The following MCHR2 variants were observed in gnomAD, a reference collection of about 807,000 sequenced individuals.
The protein encoded by MCHR2 is melanin-concentrating hormone receptor 2.
Under a neutral mutation model 24.8 loss-of-function variants are expected in MCHR2, and 15 were observed. The observed-to-expected ratio is 0.60, with a 90% CI of 0.40 to 0.93. The LOEUF is 0.93. Ranked by LOEUF, MCHR2 falls within the 40% of genes least tolerant of loss-of-function variation. The pLI, the probability that MCHR2 is intolerant of heterozygous loss-of-function variation, is 0.00. For missense variants in MCHR2, 386 were observed against 408.7 expected, an observed-to-expected ratio of 0.94 and a Z score of 0.48; for synonymous variants, 151 against 147.6, an observed-to-expected ratio of 1.02 and a Z score of -0.17.
chr6:99,991,248 A>G (rs1775868515), intron 1 of MCHR2, among the ~76,000 whole-genome samples: 3 of 152,086 alleles, frequency 2.0e-5, no homozygotes, highest in Admixed American at 1.3e-4. Flanking sequence ...CTTCTGGAAG[A>G]TTTAGCCTCA....
intron 5 of MCHR2, among the ~76,000 whole-genome samples, chr6:99,924,806 T>C (rs1283569176): frequency 6.6e-6 from 1 of 152,128 alleles, no homozygotes; most frequent in East Asian, 1.9e-4. Flanking sequence ...AAAGACTTGT[T>C]TTGTGACCTA....
At chr6:99,960,193 C>T (rs1582394625) in intron 1 of MCHR2, among the ~76,000 whole-genome samples, 1 of 152,018 alleles carries the variant, frequency 6.6e-6, no homozygotes, top group Non-Finnish European at 1.5e-5. Context: ...AGTCAATGTG[C>T]TGAAAGAAAA....
chr6:99,962,449 G>A (rs182220136), intron 1 of MCHR2, among the ~76,000 whole-genome samples: 25 of 152,234 alleles, frequency 1.6e-4, no homozygotes, highest in South Asian at 8.3e-4. Flanking sequence ...AAGGACTAGC[G>A]TATGGTCAAC....
chr6:99,962,813 A>G (rs1032388586), intron 1 of MCHR2, among the ~76,000 whole-genome samples: 2 of 152,142 alleles, frequency 1.3e-5, no homozygotes, highest in African/African-American at 4.8e-5. Flanking sequence ...CATCCTACAG[A>G]CTGGGAGAAA....
At chr6:99,984,592 A>G (rs1775737462) in intron 1 of MCHR2, among the ~76,000 whole-genome samples, 1 of 152,192 alleles carries the variant, frequency 6.6e-6, no homozygotes, top group Non-Finnish European at 1.5e-5. Flanking sequence ...GGTCACATCA[A>G]TAGATGCAGA....
intron 5 of MCHR2, among the ~76,000 whole-genome samples, chr6:99,927,271 A>G (rs1774386509): frequency 6.6e-6 from 1 of 152,206 alleles, no homozygotes; most frequent in Admixed American, 6.5e-5. Context: ...AGGTAGCATG[A>G]TGCCTCCAGC....
At chr6:99,928,995 A>C (rs1019316626) in intron 5 of MCHR2, among the ~76,000 whole-genome samples, 1 of 151,268 alleles carries the variant, frequency 6.6e-6, no homozygotes, top group African/African-American at 2.4e-5. Context: ...ATTTCCCTCT[A>C]CACTCTGCTT....
In MCHR2 at chr6:99,934,434, G is replaced by A. The variant is rs199970126; in HGVS notation, c.671C>T (p.Thr224Ile). ...CTTATTCTGTTGATACATCTCCCAA[G>A]TATAGCATAAAATTAAAATATAGCA... ...LVCYILILCY[T>I]WEMYQQNKDA... The change falls in exon 5 of 6, where the codon ACT (threonine) becomes ATT (isoleucine). Residue 224 changes from threonine (T) to isoleucine (I), a missense_variant. By Grantham distance (89) the Thr-to-Ile change is moderately conservative. Coordinates refer to ENST00000281806, the MANE Select transcript of MCHR2 (RefSeq NM_001040179.2). 211 of 1,601,794 alleles carry A rather than the reference G, an allele frequency of 1.3e-4. No individual in the cohort carries two copies. The highest frequency in any genetic ancestry group is 1.7e-4 in the Non-Finnish European group (205 of 1,175,756).
intron 1 of MCHR2, among the ~76,000 whole-genome samples, chr6:99,959,834 GATAATA>G (rs111797843): frequency 1.4e-5 from 2 of 147,500 alleles, no homozygotes; most frequent in Non-Finnish European, 1.5e-5. Flanking sequence ...TAATAATAAT[GATAATA>G]ATAATAATAA....
intron 1 of MCHR2, among the ~76,000 whole-genome samples, chr6:99,957,552 T>C (rs1221163802): frequency 6.6e-6 from 1 of 152,086 alleles, no homozygotes; most frequent in Non-Finnish European, 1.5e-5. Flanking sequence ...TTCTTCAATA[T>C]TGGACTTTTC....
At chr6:99,933,000 A>G (rs1774578224) in intron 5 of MCHR2, among the ~76,000 whole-genome samples, 1 of 147,836 alleles carries the variant, frequency 6.8e-6, no homozygotes. Context: ...TCTCTGTACT[A>G]TCTGTACTAT....
intron 4 of MCHR2, among the ~76,000 whole-genome samples, chr6:99,940,388 G>A (rs777922821): frequency 6.6e-6 from 1 of 151,488 alleles, no homozygotes; most frequent in Non-Finnish European, 1.5e-5. Context: ...AACTTTTTCA[G>A]TTTAGCAAGT....
At chr6:99,931,430 C>T (rs930414532) in intron 5 of MCHR2, among the ~76,000 whole-genome samples, 2 of 152,208 alleles carry the variant, frequency 1.3e-5, no homozygotes, top group African/African-American at 2.4e-5. Context: ...TGTCTGTGCC[C>T]TGCCCCCAGA....
At chr6:99,976,048 G>A (rs1414194335) in intron 1 of MCHR2, among the ~76,000 whole-genome samples, 1 of 151,974 alleles carries the variant, frequency 6.6e-6, no homozygotes, top group Non-Finnish European at 1.5e-5. Context: ...TACAACTAGG[G>A]GAAGGTCTTT....
intron 1 of MCHR2, among the ~76,000 whole-genome samples, chr6:99,979,558 C>T (rs1198158937): frequency 6.6e-6 from 1 of 151,998 alleles, no homozygotes; most frequent in Admixed American, 6.6e-5. Flanking sequence ...ATATTGATTG[C>T]ACATGGAAAT....
intron 3 of MCHR2, among the ~76,000 whole-genome samples, chr6:99,946,845 T>C (rs957902883): frequency 2.0e-5 from 3 of 152,130 alleles, no homozygotes; most frequent in South Asian, 2.1e-4. Context: ...AGTATCACTG[T>C]TGGAAGTACT....
intron 1 of MCHR2, among the ~76,000 whole-genome samples, chr6:99,962,259 A>C (rs1194666325): frequency 1.3e-5 from 2 of 152,192 alleles, no homozygotes; most frequent in African/African-American, 4.8e-5. Flanking sequence ...TGGTAGATAA[A>C]TGGACTAATC....
rs781426548 is a variant in MCHR2, at chr6:99,921,104, C to T, written c.859G>A (p.Gly287Ser). The T allele has an allele frequency of 2.5e-6, 4 of 1,613,998 alleles. No individual in the cohort carries two copies. The highest frequency in any genetic ancestry group is 1.7e-5 in the Admixed American group (1 of 59,998). ...MEQPTLAFYV[G>S]YYLSICLSYA... ...CTGAGACAGATGGAGAGGTAATAAC[C>T]CACATAGAAGGCCAGTGTGGGCTGT... The change falls in exon 6 of 6, where the codon GGT becomes AGT. Residue 287 changes from glycine (G) to serine (S), a missense_variant. By Grantham distance (56) the Gly-to-Ser change is moderately conservative. Coordinates refer to ENST00000281806, the MANE Select transcript of MCHR2 (RefSeq NM_001040179.2).
At chr6:99,991,839 G>GA in intron 1 of MCHR2, among the ~76,000 whole-genome samples, 1 of 137,766 alleles carries the variant, frequency 7.3e-6, no homozygotes, top group African/African-American at 2.7e-5. Context: ...AAAGAAAAAA[G>GA]AAATGAGGCA....
Sources: gnomAD v4.1 joint callset for allele counts (sites outside exome capture counted in the v4.1 genomes callset) on GRCh38, gnomAD v4.1.1 for gene constraint, MANE v1.5 for transcripts, NCBI Gene and HGNC (gene_info 2026-07-23, HGNC 2026-07-21) for gene names.